PRELID2: variants seen among roughly 807,000 people sequenced by gnomAD.
PRELID2 encodes the protein PRELI domain containing 2, also known as PRELI domain-containing protein 2.
In PRELID2, 25 loss-of-function variants were observed where a neutral mutation model predicts 28.4. The ratio of observed to expected loss-of-function variants is 0.88; its 90% CI spans 0.64 to 1.23. PRELID2 has a LOEUF of 1.23. Ranked by LOEUF, PRELID2 falls within the 50% of genes most tolerant of loss-of-function variation. PRELID2 has a pLI of 0.00. For synonymous variants in PRELID2, 76 were observed against 71.6 expected, an observed-to-expected ratio of 1.06 and a Z score of -0.31; for missense variants, 201 against 214.4, an observed-to-expected ratio of 0.94 and a Z score of 0.39.
intron 1 of PRELID2, among the ~76,000 whole-genome samples, chr5:145,635,276 G>A (rs1176112408): frequency 1.3e-5 from 2 of 151,980 alleles, no homozygotes; most frequent in Admixed American, 6.6e-5. Context: ...TCTAAAATGG[G>A]TTTAGTCATC....
chr5:145,577,143 A>G (rs2149622061), intron 1 of PRELID2, among the ~76,000 whole-genome samples: 1 of 152,270 alleles, frequency 6.6e-6, no homozygotes, highest in East Asian at 1.9e-4. Context: ...AAAGACTGGA[A>G]TAAATACCTA....
intron 1 of PRELID2, among the ~76,000 whole-genome samples, chr5:145,559,116 G>C (rs954476042): frequency 1.3e-5 from 2 of 152,036 alleles, no homozygotes; most frequent in East Asian, 3.9e-4. Context: ...TTAGCCGGGC[G>C]TAGTGGCAGG....
chr5:145,740,742 AAT>A (rs1756666244), intron 1 of PRELID2, among the ~76,000 whole-genome samples: 1 of 116,370 alleles, frequency 8.6e-6, no homozygotes, highest in Non-Finnish European at 1.6e-5. Context: ...ATTATATATA[AAT>A]ATATTATATA....
chr5:145,558,178 C>T (rs1314387136), intron 1 of PRELID2, among the ~76,000 whole-genome samples: 1 of 152,130 alleles, frequency 6.6e-6, no homozygotes, highest in East Asian at 1.9e-4. Flanking sequence ...ACTATTAAAA[C>T]CTGGCTCATA....
the PRELID2 span, among the ~76,000 whole-genome samples, chr5:145,258,368 A>G: frequency 2.6e-5 from 4 of 152,292 alleles, no homozygotes; most frequent in Non-Finnish European, 4.4e-5. Context: ...GGAACATCTT[A>G]GAGACTGGTT....
chr5:145,705,838 A>AT, intron 1 of PRELID2, among the ~76,000 whole-genome samples: 1 of 152,188 alleles, frequency 6.6e-6, no homozygotes, highest in South Asian at 2.1e-4. Flanking sequence ...GTCACCAAAT[A>AT]ATATCCTTCT....
chr5:145,715,617 T>C (rs1755820836), intron 1 of PRELID2, among the ~76,000 whole-genome samples: 1 of 152,178 alleles, frequency 6.6e-6, no homozygotes, highest in Non-Finnish European at 1.5e-5. Flanking sequence ...TGTCTTCTTC[T>C]CTGACCTCAT....
At chr5:145,424,064 G>T in the PRELID2 span, among the ~76,000 whole-genome samples, 1 of 151,172 alleles carries the variant, frequency 6.6e-6, no homozygotes, top group Non-Finnish European at 1.5e-5. Context: ...CAGGGGTCAG[G>T]GACCCACTTG....
chr5:145,784,164 G>A (rs535662065), intron 5 of PRELID2, among the ~76,000 whole-genome samples: 1 of 150,902 alleles, frequency 6.6e-6, no homozygotes, highest in African/African-American at 2.4e-5. Context: ...CACACCTGTA[G>A]TCTCAGCTAC....
At chr5:145,320,035 C>T in the PRELID2 span, among the ~76,000 whole-genome samples, 7 of 152,234 alleles carry the variant, frequency 4.6e-5, no homozygotes, top group Non-Finnish European at 1.0e-4. Flanking sequence ...TATAATCCAT[C>T]TTAACCATTT....
intron 1 of PRELID2, among the ~76,000 whole-genome samples, chr5:145,577,111 A>G (rs897699317): frequency 1.3e-5 from 2 of 152,152 alleles, no homozygotes; most frequent in African/African-American, 4.8e-5. Context: ...GTTACAGAGC[A>G]TCTCAGACAA....
chr5:145,239,946 A>C, the PRELID2 span, among the ~76,000 whole-genome samples: 1 of 152,188 alleles, frequency 6.6e-6, no homozygotes, highest in South Asian at 2.1e-4. Flanking sequence ...ATTTCATATA[A>C]AAATATGGCC....
chr5:145,714,092 T>A (rs889525446), intron 1 of PRELID2, among the ~76,000 whole-genome samples: 1 of 151,874 alleles, frequency 6.6e-6, no homozygotes, highest in South Asian at 2.1e-4. Context: ...CTGTAAACAA[T>A]AAACCTTTAT....
chr5:145,538,228 A>G (rs777023995), intron 1 of PRELID2, among the ~76,000 whole-genome samples: 1 of 151,834 alleles, frequency 6.6e-6, no homozygotes, highest in Non-Finnish European at 1.5e-5. Context: ...TGCCAGTACC[A>G]TACTGTTCTG....
rs148271680 is a variant in PRELID2, at chr5:145,566,771, C to T, written n.71-93456G>A. Among the ~76,000 whole-genome samples the T allele has an allele frequency of 7.3e-3, 1,036 of 141,740 alleles. 20 individuals are homozygous for T. The highest frequency in any genetic ancestry group is 0.025 in the African/African-American group (948 of 38,036). 93.0% of individuals were successfully genotyped at this position (141,740 alleles called of 152,430 possible). ...AGGAGAATCTCCTGAACCTGGGAGG[C>T]GGAGGTTGCAGTGAACCAAGATCAC... On this transcript the variant is annotated intron_variant and non_coding_transcript_variant, in intron 1 of 2. Transcript: ENST00000510259.
chr5:145,332,771 A>G, the PRELID2 span, among the ~76,000 whole-genome samples: 9 of 151,992 alleles, frequency 5.9e-5, no homozygotes, highest in African/African-American at 1.9e-4. Context: ...ACTTCTGTCA[A>G]TTCGTCAAAC....
intron 1 of PRELID2, among the ~76,000 whole-genome samples, chr5:145,640,433 G>A (rs1201538776): frequency 3.5e-5 from 5 of 142,398 alleles, no homozygotes; most frequent in Non-Finnish European, 4.5e-5. Context: ...CCGAGATCGC[G>A]CCACTGCACT....
At chr5:145,481,069 A>G (rs914261675) in intron 1 of PRELID2, among the ~76,000 whole-genome samples, 1 of 152,116 alleles carries the variant, frequency 6.6e-6, no homozygotes, top group Non-Finnish European at 1.5e-5. Flanking sequence ...CAGAAGTTAC[A>G]TTATTTGAGT....
At chr5:145,741,913 TAA>T (rs1756801370) in intron 1 of PRELID2, among the ~76,000 whole-genome samples, 1 of 118,032 alleles carries the variant, frequency 8.5e-6, no homozygotes, top group Non-Finnish European at 1.6e-5. Flanking sequence ...AATTTATATA[TAA>T]ATAAACAAAT....
Sources: allele counts gnomAD v4.1 joint callset (sites outside exome capture counted in the v4.1 genomes callset), GRCh38; gene constraint gnomAD v4.1.1; transcripts MANE v1.5; gene names NCBI Gene and HGNC (gene_info 2026-07-23, HGNC 2026-07-21).